NBEA: variants seen among roughly 807,000 people sequenced by gnomAD.
The protein encoded by NBEA is lysosomal-trafficking regulator 2.
NBEA carries 44 observed loss-of-function variants against 343.4 expected under a neutral mutation model. The observed-to-expected ratio is 0.13, with a 90% confidence interval of 0.10 to 0.16. The LOEUF (loss-of-function observed/expected upper bound fraction) is 0.16, where lower values mean the gene tolerates loss of function less well. Among genes scored for constraint, NBEA ranks in the 10% least tolerant of loss-of-function variants. The pLI, the probability that NBEA is intolerant of heterozygous loss-of-function variation, is 1.00. For synonymous variants in NBEA, 1,175 were observed against 1,238.7 expected (o/e 0.95, Z 1.08); for missense variants, 2,555 against 3,631.3 (o/e 0.70, Z 7.62).
chr13:35,343,752 A>C (rs1156394522), intron 36 of NBEA, among the ~76,000 whole-genome samples: 1 of 152,114 alleles, frequency 6.6e-6, no homozygotes, highest in Non-Finnish European at 1.5e-5. Flanking sequence ...ATGAGAATCT[A>C]ATGGCTGATA....
chr13:35,495,817 G>A (rs2076656539), intron 41 of NBEA, among the ~76,000 whole-genome samples: 2 of 152,100 alleles, frequency 1.3e-5, no homozygotes, highest in South Asian at 4.2e-4. Context: ...TGACACAATG[G>A]AATTAAAAAT....
At chr13:35,416,648 T>C (rs554309976) in intron 38 of NBEA, among the ~76,000 whole-genome samples, 3 of 152,326 alleles carry the variant, frequency 2.0e-5, no homozygotes, top group African/African-American at 7.2e-5. Flanking sequence ...CAGTATTTTA[T>C]TGAGGATTTT....
intron 1 of NBEA, among the ~76,000 whole-genome samples, chr13:35,014,843 G>A (rs1404301502): frequency 3.9e-5 from 6 of 152,036 alleles, no homozygotes; most frequent in Non-Finnish European, 8.8e-5. Flanking sequence ...CCCGCTGCCA[G>A]CACTGGGAGA....
chr13:35,475,577 G>A (rs1415418184), intron 41 of NBEA: 2 of 1,613,384 alleles, frequency 1.2e-6, no homozygotes, highest in Non-Finnish European at 1.7e-6. Flanking sequence ...TGGGGAAGTG[G>A]CCAGTGGGCA....
intron 18 of NBEA, among the ~76,000 whole-genome samples, chr13:35,146,156 T>G (rs1468080126): frequency 6.6e-6 from 1 of 152,076 alleles, no homozygotes; most frequent in Non-Finnish European, 1.5e-5. Flanking sequence ...TGCCAATACT[T>G]GAAAGAAATG....
At chr13:35,152,268 T>A (rs1214792195) in intron 18 of NBEA, among the ~76,000 whole-genome samples, 1 of 152,232 alleles carries the variant, frequency 6.6e-6, no homozygotes, top group African/African-American at 2.4e-5. Flanking sequence ...TAGTCAACTT[T>A]AAGCACTTAA....
intron 41 of NBEA, among the ~76,000 whole-genome samples, chr13:35,520,262 C>A (rs1019899030): frequency 3.3e-5 from 5 of 152,136 alleles, no homozygotes; most frequent in African/African-American, 1.2e-4. Context: ...GTATATTTGT[C>A]TTTCTGTGAC....
intron 38 of NBEA, among the ~76,000 whole-genome samples, chr13:35,377,650 G>C (rs535446788): frequency 1.1e-4 from 16 of 152,260 alleles, no homozygotes; most frequent in African/African-American, 3.6e-4. Context: ...ATCTATCCCT[G>C]ATATTTAGCC....
In NBEA at chr13:35,045,302, C is replaced by G; in HGVS notation, c.628-4C>G. 6.3e-7 allele frequency: 1 copy of G among 1,599,000 alleles called. No homozygotes were observed. Among genetic ancestry groups the G allele is most frequent in the Non-Finnish European group, 8.5e-7 (1 of 1,172,002 alleles). On this transcript the variant is annotated splice_polypyrimidine_tract_variant and splice_region_variant and intron_variant, in intron 3 of 58. Transcript: ENST00000379939. Reference sequence around the variant, plus strand: ...GACATTTCTTTCTTTTATTGTTTCCCCAGCCAAGACATGCAGTAAAATTAT... The same window carrying G: ...GACATTTCTTTCTTTTATTGTTTCCGCAGCCAAGACATGCAGTAAAATTAT...
intron 34 of NBEA, among the ~76,000 whole-genome samples, chr13:35,258,617 G>T (rs1203387558): frequency 6.6e-6 from 1 of 151,764 alleles, no homozygotes; most frequent in African/African-American, 2.4e-5. Flanking sequence ...AGAATAAGAA[G>T]TAATAACATC....
chr13:35,426,471 G>A (rs1399142452), intron 38 of NBEA, among the ~76,000 whole-genome samples: 9 of 152,114 alleles, frequency 5.9e-5, no homozygotes, highest in Admixed American at 2.6e-4. Flanking sequence ...TGTTGAATTG[G>A]CCCCCACTCT....
Position 35,405,352 on chromosome 13 carries a change from A to G in NBEA, c.6180-26917A>G, listed in dbSNP as rs1229238148. 2.6e-5 allele frequency among the ~76,000 whole-genome samples: 4 copies of G among 152,152 alleles called. No individual in the cohort carries two copies. In the East Asian group the frequency reaches 7.7e-4, roughly 29 times the overall value. On this transcript the variant is annotated intron_variant, in intron 38 of 58. Coordinates refer to ENST00000379939, the MANE Select transcript of NBEA (RefSeq NM_001385012.1). ...GGGCTGGGATTTGAACCCATATCTTAGTAGACTGTCTCATGCTGCTGCTGC... is the reference window on the plus strand; with the variant it reads ...GGGCTGGGATTTGAACCCATATCTTGGTAGACTGTCTCATGCTGCTGCTGC...
chr13:35,124,786 A>G (rs1041567676), intron 17 of NBEA, among the ~76,000 whole-genome samples: 5 of 149,036 alleles, frequency 3.4e-5, no homozygotes, highest in Admixed American at 1.3e-4. Flanking sequence ...ATATGGATAT[A>G]TACACACATA....
intron 10 of NBEA, among the ~76,000 whole-genome samples, chr13:35,083,109 A>G (rs1479196366): frequency 2.6e-5 from 4 of 152,204 alleles, no homozygotes; most frequent in Non-Finnish European, 4.4e-5. Context: ...GATGTAAGGA[A>G]GGGATCCAGT....
intron 1 of NBEA, among the ~76,000 whole-genome samples, chr13:34,949,885 A>G (rs375509752): frequency 6.6e-6 from 1 of 152,094 alleles, no homozygotes; most frequent in African/African-American, 2.4e-5. Flanking sequence ...TGGTAAGTAC[A>G]CTTTCTATTG....
At chr13:35,642,725 G>A (rs1486218293) in intron 49 of NBEA, among the ~76,000 whole-genome samples, 2 of 152,096 alleles carry the variant, frequency 1.3e-5, no homozygotes, top group Non-Finnish European at 2.9e-5. Flanking sequence ...AAGTTTTTAA[G>A]AGAAGCCAAA....
intron 41 of NBEA, among the ~76,000 whole-genome samples, chr13:35,523,648 A>G (rs1413908863): frequency 6.6e-6 from 1 of 152,194 alleles, no homozygotes; most frequent in Non-Finnish European, 1.5e-5. Flanking sequence ...TGACATCATA[A>G]ATACACTGAC....
intron 1 of NBEA, among the ~76,000 whole-genome samples, chr13:34,983,711 A>G (rs967983818): frequency 1.1e-4 from 16 of 152,158 alleles, no homozygotes; most frequent in African/African-American, 3.4e-4. Context: ...AATGATCGCC[A>G]TTCTAACTGG....
intron 51 of NBEA, 62 bp from the exon 52 acceptor site, chr13:35,649,593 C>T: frequency 1.4e-6 from 2 of 1,392,904 alleles, no homozygotes; most frequent in East Asian, 2.3e-5. Context: ...TCTCCCTAGA[C>T]CTTTCACTAA....
Sources: allele counts gnomAD v4.1 joint callset (sites outside exome capture counted in the v4.1 genomes callset), GRCh38; gene constraint gnomAD v4.1.1; transcripts MANE v1.5; gene names NCBI Gene and HGNC (gene_info 2026-07-23, HGNC 2026-07-21).